AMOT: variants seen among roughly 807,000 people sequenced by gnomAD.
The protein encoded by AMOT is angiomotin.
Under a neutral mutation model 67.0 loss-of-function variants are expected in AMOT, and 11 were observed. That is an observed-to-expected ratio of 0.16 (90% confidence interval 0.10 to 0.27). The LOEUF is 0.27. AMOT is among the 10% of genes least tolerant of loss of function. The pLI, the probability that AMOT is intolerant of heterozygous loss-of-function variation, is 1.00. For missense variants in AMOT, 753 were observed against 852.0 expected (o/e 0.88, Z 1.45); for synonymous variants, 326 against 321.4 (o/e 1.01, Z -0.15).
intron 10 of AMOT, among the ~76,000 whole-genome samples, chrX:112,787,337 C>T (rs1218157159): frequency 6.3e-5 from 7 of 111,911 alleles, no homozygotes; most frequent in African/African-American, 2.3e-4. Flanking sequence ...GTGATACATC[C>T]ACACCATGGA....
intron 6 of AMOT, among the ~76,000 whole-genome samples, chrX:112,810,805 A>T (rs1221042681): frequency 8.9e-6 from 1 of 112,466 alleles, no homozygotes; most frequent in Non-Finnish European, 1.9e-5. Context: ...TTAAAGTAGA[A>T]ATATTTCCCA....
intron 12 of AMOT, 63 bp from the exon 13 acceptor site, chrX:112,779,743 T>A: frequency 1.4e-6 from 1 of 728,504 alleles, no homozygotes; most frequent in Non-Finnish European, 1.9e-6. Context: ...GACATCTAAT[T>A]ACCTGTTCTC....
At chrX:112,816,732 A>T (rs747879495) in intron 4 of AMOT, among the ~76,000 whole-genome samples, 1 of 111,444 alleles carries the variant, frequency 9.0e-6, no homozygotes, top group East Asian at 2.8e-4. Context: ...CCCAATTCCC[A>T]TTTTCTGGCT....
rs756118907 is a variant in AMOT at position 112,779,327 on chromosome X, C to T, written c.2827G>A (p.Ala943Thr). 2.6e-6 allele frequency: 2 copies of T among 784,200 alleles called. No individual in the cohort carries two copies. Among genetic ancestry groups the T allele is most frequent in the East Asian group, 6.9e-5 (2 of 29,088 alleles). The allele number at this position is 784,200 out of a possible 1,213,427, so 64.6% of individuals were successfully genotyped here. The change falls in exon 13 of 14, where the codon GCT becomes ACT. Residue 943 changes from alanine (A) to threonine (T), a missense_variant. Ala to Thr is a moderately conservative substitution (Grantham distance 58, BLOSUM62 0). This residue lies in a region of AMOT where 269 missense variants were observed against 300.9 expected (regional missense o/e 0.89). Transcript: ENST00000371959. Reference sequence around the variant, plus strand: ...GCAGCAGCTGGAATCTGACCAGCAGCAGCTGGAGAAACAGCAGCAGCAGTA... The same window carrying T: ...GCAGCAGCTGGAATCTGACCAGCAGTAGCTGGAGAAACAGCAGCAGCAGTA... ...AATAAAVSPAAAGQIPAAASV... is the reference protein window; with the variant it reads ...AATAAAVSPATAGQIPAAASV...
At position 112,801,239 on chromosome X, in the gene AMOT, T is replaced by C. The variant is rs146302022; in HGVS notation, c.1776+3708A>G. Reference sequence around the variant, plus strand: ...AAATTGGTAGGGGGTGGGGAGGCTGTCTTTGAATGGGAGAATACCGTGGTT... The same window carrying C: ...AAATTGGTAGGGGGTGGGGAGGCTGCCTTTGAATGGGAGAATACCGTGGTT... On this transcript the variant is annotated intron_variant, in intron 8 of 13. Coordinates refer to ENST00000371959, the MANE Select transcript of AMOT (RefSeq NM_001113490.2). Among the ~76,000 whole-genome samples the C allele has an allele frequency of 7.2e-3, 799 of 111,416 alleles. 11 individuals carry two copies. Among genetic ancestry groups the C allele is most frequent in the African/African-American group, 0.025 (752 of 30,669 alleles).
At chrX:112,824,216 A>C (rs1934785080) in intron 3 of AMOT, among the ~76,000 whole-genome samples, 1 of 112,426 alleles carries the variant, frequency 8.9e-6, no homozygotes, top group Non-Finnish European at 1.9e-5. Flanking sequence ...TGTATAGTAC[A>C]CACTAATTCA....
chrX:112,808,983 C>T (rs1934272323), intron 7 of AMOT, among the ~76,000 whole-genome samples: 1 of 111,803 alleles, frequency 8.9e-6, no homozygotes, highest in African/African-American at 3.3e-5. Context: ...GAAGATCAAA[C>T]GAACTTGTAA....
intron 8 of AMOT, among the ~76,000 whole-genome samples, chrX:112,794,826 T>C (rs989479377): frequency 3.6e-5 from 4 of 111,572 alleles, no homozygotes; most frequent in Non-Finnish European, 7.5e-5. Context: ...AGAGAAAAAT[T>C]AATACCAAGC....
chrX:112,788,599 A>T (rs1933459428), intron 10 of AMOT, among the ~76,000 whole-genome samples: 1 of 112,271 alleles, frequency 8.9e-6, no homozygotes, highest in African/African-American at 3.2e-5. Context: ...TAATCCTAGA[A>T]ATAGGAAGGT....
rs781102626 is a variant in AMOT, at chrX:112,810,046, T to C, written c.1538-60A>G. ...ATGTAAACTTTCATGCACATACTAT[T>C]GGCCCTCTAAATACTGACCTTTGGT... On this transcript the variant is annotated intron_variant, in intron 6 of 13. Coordinates refer to ENST00000371959, the MANE Select transcript of AMOT (RefSeq NM_001113490.2). 150 of 960,164 alleles carry C rather than the reference T, an allele frequency of 1.6e-4. 2 individuals carry two copies. The South Asian group carries it at 2.9e-3, about 19-fold the overall frequency. 79.1% of individuals were successfully genotyped at this position (960,164 alleles called of 1,213,427 possible). A position where few individuals can be genotyped will look rare whatever the true frequency, so the allele number is the denominator to read the frequency against.
chrX:112,817,406 A>G (rs756371608), intron 4 of AMOT, among the ~76,000 whole-genome samples: 1 of 112,385 alleles, frequency 8.9e-6, no homozygotes, highest in Non-Finnish European at 1.9e-5. Context: ...TTCATGGTGG[A>G]ACTGGGACAA....
At chrX:112,795,514 C>A (rs893725458) in intron 8 of AMOT, among the ~76,000 whole-genome samples, 2 of 111,427 alleles carry the variant, frequency 1.8e-5, no homozygotes, top group Non-Finnish European at 3.8e-5. Flanking sequence ...CAGCCATGTC[C>A]ATTGATTTTG....
chrX:112,791,954 T>C lies in AMOT; in HGVS notation c.1804A>G (p.Lys602Glu), dbSNP rs1933618505. The change falls in exon 9 of 14, where the codon AAG becomes GAG. Residue 602 changes from lysine to glutamate, a missense_variant. By Grantham distance (56) the Lys-to-Glu change is moderately conservative (BLOSUM62 1). Coordinates refer to ENST00000371959, the MANE Select transcript of AMOT (RefSeq NM_001113490.2). ...ELKKKQVYVD[K>E]VEKMQQALVQ... ...AGGGCCTGCTGCATCTTCTCCACCTTGTCAACGTACACTTGCTTCTTTTTC... is the reference window on the plus strand; with the variant it reads ...AGGGCCTGCTGCATCTTCTCCACCTCGTCAACGTACACTTGCTTCTTTTTC... 8.3e-7 allele frequency: 1 copy of C among 1,210,069 alleles called. No individual in the cohort carries two copies. The highest frequency in any genetic ancestry group is 1.7e-5 in the African/African-American group (1 of 57,215).
intron 7 of AMOT, among the ~76,000 whole-genome samples, chrX:112,808,153 G>A (rs942546234): frequency 8.9e-6 from 1 of 112,082 alleles, no homozygotes; most frequent in Non-Finnish European, 1.9e-5. Flanking sequence ...AGGAACATTC[G>A]TTGAATACGT....
At position 112,822,259 on chromosome X, in the gene AMOT, C is replaced by T. The variant is rs1602826960; in HGVS notation, c.868G>A (p.Ala290Thr). The stretch of plus-strand genomic sequence containing the variant: ...ACAGAAACAGAACTCTCTTACCTGG[C>T]TGCTCCATACTCAGGGGGATGCTGA... ...RYQHPPEYGA[A>T]RPAQDISLPL... Residue 290 changes from alanine (A) to threonine (T), a missense_variant, in exon 4 of 14, where the codon GCC becomes ACC. By Grantham distance (58) the Ala-to-Thr change is moderately conservative. Around this residue, in one of 5 missense-constraint regions of AMOT, gnomAD observed 297 missense variants for 284.3 expected, o/e 1.04. Transcript: ENST00000371959. The T allele has an allele frequency of 9.1e-7, 1 of 1,095,839 alleles. No individual in the cohort carries two copies. Among genetic ancestry groups the T allele is most frequent in the East Asian group, 3.3e-5 (1 of 30,108 alleles). The allele number at this position is 1,095,839 out of a possible 1,213,427, so 90.3% of individuals were successfully genotyped here. A position where few individuals can be genotyped will look rare whatever the true frequency, so the allele number is the denominator to read the frequency against.
chrX:112,780,099 C>T (rs1043236761), intron 12 of AMOT, among the ~76,000 whole-genome samples: 5 of 111,385 alleles, frequency 4.5e-5, no homozygotes, highest in Non-Finnish European at 9.4e-5. Flanking sequence ...CATTACCACA[C>T]GTTACCAGGG....
Position 112,823,181 on chromosome X carries a change from C to T in AMOT, c.-55G>A. 9.2e-7 allele frequency: 1 copy of T among 1,085,932 alleles called. No homozygotes were observed. The highest frequency in any genetic ancestry group is 1.2e-6 in the Non-Finnish European group (1 of 822,104). The allele number at this position is 1,085,932 out of a possible 1,213,427, so 89.5% of individuals were successfully genotyped here. On this transcript the variant is annotated 5_prime_UTR_variant, in exon 4 of 14. Coordinates refer to ENST00000371959, the MANE Select transcript of AMOT (RefSeq NM_001113490.2). ...AGAGAGAAATTGGGCACCTGGGCTG[C>T]CCTTGACCTGGGAAGGGGAAACAGG...
chrX:112,785,015 C>A (rs779540213), intron 10 of AMOT, among the ~76,000 whole-genome samples: 1 of 111,841 alleles, frequency 8.9e-6, no homozygotes, highest in African/African-American at 3.3e-5. Flanking sequence ...GCTGCCAGGG[C>A]AGCCCTCAGC....
rs770362839 is a variant in AMOT, at chrX:112,822,962, C to T, written c.165G>A (p.Pro55=). ...GPPFPSGSGN[P]GPQSDVLSPQ... The stretch of plus-strand genomic sequence containing the variant: ...GACTCAACACATCACTCTGAGGGCC[C>T]GGGTTCCCACTGCCACTGGGGAAAG... The change falls in exon 4 of 14, where the codon CCG becomes CCA. Residue 55 remains proline (P), a synonymous_variant. Transcript: ENST00000371959. The T allele has an allele frequency of 4.3e-6, 5 of 1,167,591 alleles. No individual in the cohort carries two copies. The highest frequency in any genetic ancestry group is 1.8e-5 in the African/African-American group (1 of 56,201).
Sources: allele counts gnomAD v4.1 joint callset (sites outside exome capture counted in the v4.1 genomes callset), GRCh38; gene constraint gnomAD v4.1.1; regional missense constraint gnomAD v4.1.1; transcripts MANE v1.5; gene names NCBI Gene and HGNC (gene_info 2026-07-23, HGNC 2026-07-21).